Variants in MED13 observed in about 807,000 individuals in gnomAD.
MED13 encodes mediator complex subunit 13, also known as mediator of RNA polymerase II transcription subunit 13.
MED13 carries 23 observed loss-of-function variants against 225.2 expected under a neutral mutation model. The ratio of observed to expected loss-of-function variants is 0.10; its 90% CI spans 0.07 to 0.14. The LOEUF is 0.14. Among genes scored for constraint, MED13 ranks in the 10% least tolerant of loss-of-function variants. The probability of loss-of-function intolerance (pLI) is 1.00; values close to 1 mark genes in which losing one functional copy is unlikely to be tolerated. For missense variants in MED13, 2,197 were observed against 2,594.5 expected (o/e 0.85, Z 3.33); for synonymous variants, 942 against 889.2 (o/e 1.06, Z -1.06).
chr17:62,011,339 T>G, intron 8 of MED13, 106 bp from the exon 9 acceptor site: 1 of 945,498 alleles, frequency 1.1e-6, no homozygotes, highest in Non-Finnish European at 1.5e-6. Context: ...CTTTTTCACA[T>G]GTAATACTAA....
chr17:62,027,173 T>C (rs2080710533), intron 8 of MED13, among the ~76,000 whole-genome samples: 1 of 152,180 alleles, frequency 6.6e-6, no homozygotes, highest in Non-Finnish European at 1.5e-5. Context: ...TCATGTTACC[T>C]GGCTTAAACA....
At position 62,065,126 on chromosome 17, in the gene MED13, GC is replaced by G; in HGVS notation, c.66+13del. The G allele has an allele frequency of 1.9e-6, 3 of 1,547,912 alleles. No individual in the cohort carries two copies. The highest frequency in any genetic ancestry group is 1.9e-5 in the Admixed American group (1 of 51,532). On this transcript the variant is annotated intron_variant, in intron 1 of 29. Transcript: ENST00000397786. ...GGCCCCCCTCCCTCGGCGCCCGCCG[GC>G]CCCGGCACTCACCAGGCAGAAGAGG...
chr17:62,013,580 G>A (rs1375461643), intron 8 of MED13, among the ~76,000 whole-genome samples: 1 of 152,164 alleles, frequency 6.6e-6, no homozygotes, highest in Admixed American at 6.5e-5. Context: ...CTTACTTGAT[G>A]TTTAAGCATG....
chr17:62,057,479 G>A (rs550040104), intron 2 of MED13, among the ~76,000 whole-genome samples: 4 of 152,132 alleles, frequency 2.6e-5, no homozygotes, highest in South Asian at 2.1e-4. Flanking sequence ...TTAAAGAGTC[G>A]GGCCACATCA....
intron 8 of MED13, among the ~76,000 whole-genome samples, chr17:62,011,844 T>G (rs1019718644): frequency 3.9e-5 from 6 of 152,180 alleles, no homozygotes; most frequent in African/African-American, 1.4e-4. Flanking sequence ...CCTAAAATAA[T>G]TTCTTCCTCA....
In MED13 at chr17:62,052,558, T is replaced by C. The variant is rs1446313515; in HGVS notation, c.449A>G (p.Asp150Gly). 6.3e-7 allele frequency: 1 copy of C among 1,579,510 alleles called. No homozygotes were observed. ...TTACCTTTTATTTATAGGTTTTTCA[T>C]CTTTTTCATAAGGCTTTACAAACCA... The part of the protein sequence containing the change: ...GKWFVKPYEK[D>G]EKPINKSEHL... Residue 150 changes from aspartate (D) to glycine (G), a missense_variant, in exon 3 of 30, where the codon GAT becomes GGT. Physicochemically the swap from Asp to Gly is moderately conservative, Grantham distance 94. This residue lies in a region of MED13 where 884 missense variants were observed against 918.5 expected (regional missense o/e 0.96). Coordinates refer to ENST00000397786, the MANE Select transcript of MED13 (RefSeq NM_005121.3).
intron 1 of MED13, among the ~76,000 whole-genome samples, chr17:62,063,951 A>G (rs576258258): frequency 2.6e-5 from 4 of 152,348 alleles, no homozygotes; most frequent in Non-Finnish European, 5.9e-5. Flanking sequence ...ATTAATGGAC[A>G]TTGAAAAGAA....
At chr17:61,948,048 C>T (rs1266609268) in intron 28 of MED13, among the ~76,000 whole-genome samples, 1 of 152,080 alleles carries the variant, frequency 6.6e-6, no homozygotes, top group African/African-American at 2.4e-5. Context: ...GAGTTATAAG[C>T]AAGTCTCACA....
chr17:62,014,380 G>A (rs933924893), intron 8 of MED13, among the ~76,000 whole-genome samples: 7 of 150,606 alleles, frequency 4.6e-5, no homozygotes, highest in African/African-American at 9.9e-5. Flanking sequence ...GCAGTGGCAC[G>A]ATCTCAGCTC....
At chr17:61,994,865 C>CTG (rs2080334131) in intron 10 of MED13, among the ~76,000 whole-genome samples, 1 of 152,108 alleles carries the variant, frequency 6.6e-6, no homozygotes, top group African/African-American at 2.4e-5. Context: ...CGCACACCAC[C>CTG]ACACCCAGCT....
At chr17:62,000,056 C>T (rs573420896) in intron 9 of MED13, among the ~76,000 whole-genome samples, 92 of 152,254 alleles carry the variant, frequency 6.0e-4, no homozygotes, top group African/African-American at 2.0e-3. Flanking sequence ...GGTAACAGAG[C>T]AAGATCCTCT....
In MED13 at chr17:61,982,650, G is replaced by A. The variant is rs1359211861; in HGVS notation, c.3353C>T (p.Ala1118Val). ...GVYIPDPTQE[A>V]QYRCTCGFSA... ...GAAGCCACAGGTACACCTATATTGTGCTTCCTGCGTTGGATCTGGAATGTA... is the reference window on the plus strand; with the variant it reads ...GAAGCCACAGGTACACCTATATTGTACTTCCTGCGTTGGATCTGGAATGTA... Residue 1118 changes from alanine to valine, a missense_variant, in exon 16 of 30, where the codon GCA becomes GTA. Ala to Val is a moderately conservative substitution (Grantham distance 64). Coordinates refer to ENST00000397786, the MANE Select transcript of MED13 (RefSeq NM_005121.3). 5 of 1,614,024 alleles carry A rather than the reference G, an allele frequency of 3.1e-6. No homozygotes were observed. Among genetic ancestry groups the A allele is most frequent in the Non-Finnish European group, 4.2e-6 (5 of 1,180,044 alleles).
chr17:62,059,410 A>G (rs1160514686), intron 2 of MED13, among the ~76,000 whole-genome samples: 1 of 152,228 alleles, frequency 6.6e-6, no homozygotes, highest in African/African-American at 2.4e-5. Context: ...TTATCACCAT[A>G]ATAAAAAACA....
intron 9 of MED13, among the ~76,000 whole-genome samples, chr17:62,002,536 C>T (rs970569639): frequency 2.7e-5 from 4 of 146,472 alleles, no homozygotes; most frequent in Admixed American, 1.4e-4. Flanking sequence ...AACAGTAATT[C>T]ATGGAATTTA....
At chr17:61,990,686 T>C (rs986266034) in intron 11 of MED13, among the ~76,000 whole-genome samples, 1 of 150,250 alleles carries the variant, frequency 6.7e-6, no homozygotes, top group African/African-American at 2.5e-5. Flanking sequence ...TTGTATACCA[T>C]AAATATATAT....
intron 3 of MED13, among the ~76,000 whole-genome samples, chr17:62,050,762 A>C (rs1603409530): frequency 6.6e-6 from 1 of 152,084 alleles, no homozygotes; most frequent in Non-Finnish European, 1.5e-5. Context: ...CCAGCACTTT[A>C]GGAGGCCGAG....
intron 6 of MED13, chr17:62,031,212 AG>A: frequency 2.6e-6 from 1 of 384,968 alleles, no homozygotes; most frequent in Non-Finnish European, 4.7e-6. Flanking sequence ...TCATGTCTGT[AG>A]GTTGTTCTCA....
At chr17:61,967,397 T>C (rs1234668556) in intron 18 of MED13, among the ~76,000 whole-genome samples, 1 of 152,182 alleles carries the variant, frequency 6.6e-6, no homozygotes, top group Non-Finnish European at 1.5e-5. Context: ...TGTAATTATG[T>C]GGAAAATTTT....
intron 4 of MED13, among the ~76,000 whole-genome samples, chr17:62,034,654 A>G (rs911928908): frequency 6.6e-6 from 1 of 152,198 alleles, no homozygotes; most frequent in Admixed American, 6.5e-5. Flanking sequence ...AAATATTTAT[A>G]ATGTACTGCC....
Sources: allele counts gnomAD v4.1 joint callset (sites outside exome capture counted in the v4.1 genomes callset), GRCh38; gene constraint gnomAD v4.1.1; regional missense constraint gnomAD v4.1.1; transcripts MANE v1.5; gene names NCBI Gene and HGNC (gene_info 2026-07-23, HGNC 2026-07-21).